Variants in CDH9 observed in about 807,000 individuals in gnomAD.
CDH9 encodes the protein cadherin 9.
A neutral mutation model predicts 70.9 loss-of-function variants in CDH9; 28 were observed. The ratio of observed to expected loss-of-function variants is 0.40; its 90% CI spans 0.29 to 0.54. The LOEUF is 0.54. Among genes scored for constraint, CDH9 ranks in the 20% least tolerant of loss-of-function variants. The pLI is 0.59. For synonymous variants in CDH9, 409 were observed against 343.1 expected, an observed-to-expected ratio of 1.19 and a Z score of -2.12; for missense variants, 874 against 984.4, an observed-to-expected ratio of 0.89 and a Z score of 1.50.
intron 1 of CDH9, among the ~76,000 whole-genome samples, chr5:27,014,585 G>C (rs913648960): frequency 7.9e-5 from 12 of 151,912 alleles, no homozygotes; most frequent in Middle Eastern, 3.4e-3. Flanking sequence ...ATCTATGATA[G>C]ACAGTTTTTA....
chr5:27,001,842 ACACTCT>A lies in CDH9; in HGVS notation c.-49-13466_-49-13461del, dbSNP rs759338692. On this transcript the variant is annotated intron_variant, in intron 1 of 11. Coordinates refer to ENST00000231021, the MANE Select transcript of CDH9 (RefSeq NM_016279.4). The stretch of plus-strand genomic sequence containing the variant: ...CAGTGCTTAACATACACACACACAC[ACACTCT>A]CTCTCTCTCTCTCTCTCTCTCTCTC... 8.8e-3 allele frequency among the ~76,000 whole-genome samples: 1,113 copies of A among 125,908 alleles called. 19 individuals are homozygous for A. The highest frequency in any genetic ancestry group is 0.033 in the African/African-American group (1,051 of 32,192). 82.6% of individuals were successfully genotyped at this position (125,908 alleles called of 152,430 possible).
At position 26,889,918 on chromosome 5, in the gene CDH9, C is replaced by G. The variant is rs1740626965; in HGVS notation, c.1430G>C (p.Arg477Thr). Residue 477 changes from arginine to threonine, a missense_variant, in exon 9 of 12, where the codon AGA (arginine) becomes ACA (threonine). Coordinates refer to ENST00000231021, the MANE Select transcript of CDH9 (RefSeq NM_016279.4). ...AGCATGGTCATTTATATCTAGAATTCTGATGAAGACAGGGATGTGGCTACT... is the reference window on the plus strand; with the variant it reads ...AGCATGGTCATTTATATCTAGAATTGTGATGAAGACAGGGATGTGGCTACT... ...KQSSHIPVFIRILDINDHAPE... is the reference protein window; with the variant it reads ...KQSSHIPVFITILDINDHAPE... 6.2e-7 allele frequency: 1 copy of G among 1,607,236 alleles called. No individual in the cohort carries two copies. Among genetic ancestry groups the G allele is most frequent in the African/African-American group, 1.3e-5 (1 of 74,578 alleles).
At chr5:27,030,490 G>A (rs1004014774) in intron 1 of CDH9, among the ~76,000 whole-genome samples, 1 of 151,180 alleles carries the variant, frequency 6.6e-6, no homozygotes, top group African/African-American at 2.4e-5. Context: ...AGAAAAGCAG[G>A]GGGGATGGAA....
chr5:26,882,838 G>A (rs1003896270), intron 11 of CDH9, among the ~76,000 whole-genome samples: 19 of 151,264 alleles, frequency 1.3e-4, no homozygotes, highest in African/African-American at 4.6e-4. Flanking sequence ...CATACTCATT[G>A]TCATTGAGAC....
At chr5:26,915,545 C>T (rs1464065449) in intron 3 of CDH9, 85 bp downstream of exon 3, 1 of 772,716 alleles carries the variant, frequency 1.3e-6, no homozygotes, top group South Asian at 1.7e-5. Context: ...TGAAAGAGGC[C>T]ACATATCATA....
intron 2 of CDH9, among the ~76,000 whole-genome samples, chr5:26,938,523 T>C (rs376806757): frequency 6.6e-6 from 1 of 152,076 alleles, no homozygotes; most frequent in Admixed American, 6.6e-5. Context: ...CAAAATATTG[T>C]AATTTGAAGC....
At position 26,915,929 on chromosome 5, in the gene CDH9, A is replaced by AG; in HGVS notation, c.229-6dup. ...TTTATCTTGGTCAGTGTGAAGCTTT[A>AG]GAGAGGTAGAAAAGAAGAGTTCTGT... On this transcript the variant is annotated splice_polypyrimidine_tract_variant and splice_region_variant and intron_variant, in intron 2 of 11. Transcript: ENST00000231021. 1 of 1,576,398 alleles carries AG rather than the reference A, an allele frequency of 6.3e-7. No homozygotes were observed. The highest frequency in any genetic ancestry group is 8.6e-7 in the Non-Finnish European group (1 of 1,158,984).
chr5:26,907,946 G>A (rs1740978688), intron 3 of CDH9, among the ~76,000 whole-genome samples: 2 of 152,064 alleles, frequency 1.3e-5, no homozygotes, highest in South Asian at 4.1e-4. Context: ...TATGGTGGAT[G>A]TTTCTCAAAT....
intron 7 of CDH9, 49 bp from the exon 8 acceptor site, chr5:26,890,613 G>C: frequency 7.3e-7 from 1 of 1,368,020 alleles, no homozygotes; most frequent in South Asian, 1.2e-5. Context: ...AAGGTTATTA[G>C]TTCTACTCTT....
At chr5:26,913,776 TG>T (rs1741096319) in intron 3 of CDH9, among the ~76,000 whole-genome samples, 1 of 151,772 alleles carries the variant, frequency 6.6e-6, no homozygotes, top group South Asian at 2.1e-4. Context: ...TGTGTGTGTG[TG>T]TGTGTGTGTG....
chr5:26,937,927 C>A (rs1451147079), intron 2 of CDH9, among the ~76,000 whole-genome samples: 1 of 151,906 alleles, frequency 6.6e-6, no homozygotes, highest in African/African-American at 2.4e-5. Context: ...TTGGGAAAAC[C>A]CATTGAACTG....
chr5:26,893,226 C>T (rs1005471106), intron 7 of CDH9, among the ~76,000 whole-genome samples: 3 of 152,058 alleles, frequency 2.0e-5, no homozygotes, highest in Non-Finnish European at 2.9e-5. Flanking sequence ...AAGATGCTTG[C>T]TTAATTTATT....
At chr5:27,030,563 C>T (rs1260479433) in intron 1 of CDH9, among the ~76,000 whole-genome samples, 1 of 148,906 alleles carries the variant, frequency 6.7e-6, no homozygotes, top group Non-Finnish European at 1.5e-5. Flanking sequence ...TCAAGAAACA[C>T]AGGTGCTCAA....
chr5:27,037,157 A>G (rs554331335), intron 1 of CDH9, among the ~76,000 whole-genome samples: 1 of 152,080 alleles, frequency 6.6e-6, no homozygotes, highest in East Asian at 1.9e-4. Flanking sequence ...GTGCCTGAAG[A>G]TGGGTAACTC....
intron 2 of CDH9, among the ~76,000 whole-genome samples, chr5:26,952,457 AC>A (rs1178084933): frequency 8.8e-6 from 1 of 113,488 alleles, no homozygotes; most frequent in African/African-American, 3.6e-5. Flanking sequence ...TACTAAAAAT[AC>A]AAAAAAAAAA....
At chr5:26,993,464 T>A (rs1024267580) in intron 1 of CDH9, among the ~76,000 whole-genome samples, 5 of 151,714 alleles carry the variant, frequency 3.3e-5, no homozygotes, top group Non-Finnish European at 7.4e-5. Flanking sequence ...ATCTGAAAAA[T>A]TTTCAGGCTA....
At chr5:26,893,452 A>C (rs1438371206) in intron 7 of CDH9, among the ~76,000 whole-genome samples, 1 of 152,170 alleles carries the variant, frequency 6.6e-6, no homozygotes, top group Non-Finnish European at 1.5e-5. Flanking sequence ...AATGCACAAC[A>C]GAAGTACATG....
chr5:26,933,841 C>T (rs1041188886), intron 2 of CDH9, among the ~76,000 whole-genome samples: 11 of 151,748 alleles, frequency 7.2e-5, no homozygotes, highest in African/African-American at 2.7e-4. Context: ...AGAGAAGACA[C>T]ATTACTACTA....
At chr5:27,013,837 G>T (rs187204174) in intron 1 of CDH9, among the ~76,000 whole-genome samples, 22 of 151,998 alleles carry the variant, frequency 1.4e-4, no homozygotes, top group East Asian at 3.9e-4. Context: ...CTCGAGGAAG[G>T]TCCTGTTATT....
Sources: allele counts gnomAD v4.1 joint callset (sites outside exome capture counted in the v4.1 genomes callset), GRCh38; gene constraint gnomAD v4.1.1; transcripts MANE v1.5; gene names NCBI Gene and HGNC (gene_info 2026-07-23, HGNC 2026-07-21).